Variants in CLVS2 observed in about 807,000 individuals in gnomAD.
CLVS2 encodes the protein clavesin-2.
In CLVS2, 19 loss-of-function variants were observed where a neutral mutation model predicts 29.0. That is an observed-to-expected ratio of 0.66 (90% CI 0.46 to 0.96). The LOEUF is 0.96. Ranked by LOEUF, CLVS2 falls within the 40% of genes least tolerant of loss-of-function variation. The pLI is 0.00. For missense variants in CLVS2, 294 were observed against 404.1 expected (o/e 0.73, Z 2.34); for synonymous variants, 161 against 151.3 (o/e 1.06, Z -0.47).
rs1188727723 is a variant in CLVS2 at position 123,072,802 on chromosome 6, A to G, written c.*9041A>G. On this transcript the variant is annotated 3_prime_UTR_variant, in exon 6 of 6. Transcript: ENST00000275162. ...AATTTTACAAAGCAGATCATTGTTT[A>G]TTATATTCTGAAAACCATTATATTA... is the stretch of plus-strand genomic sequence containing the variant. 1 of 152,074 alleles carries G rather than the reference A, an allele frequency of 6.6e-6. No individual in the cohort carries two copies. Among genetic ancestry groups the G allele is most frequent in the Non-Finnish European group, 1.5e-5 (1 of 67,976 alleles). 9.4% of individuals were successfully genotyped at this position (152,074 alleles called of 1,614,324 possible).
intron 3 of CLVS2, among the ~76,000 whole-genome samples, chr6:123,023,518 C>T (rs1360996068): frequency 6.6e-6 from 1 of 152,068 alleles, no homozygotes; most frequent in Non-Finnish European, 1.5e-5. Context: ...AATTTACAAG[C>T]ACAAAACATT....
At position 122,998,111 on chromosome 6, in the gene CLVS2, G is replaced by A; in HGVS notation, c.334G>A (p.Asp112Asn). 3 of 1,614,030 alleles carry A rather than the reference G, an allele frequency of 1.9e-6. No individual in the cohort carries two copies. Among genetic ancestry groups the A allele is most frequent in the Non-Finnish European group, 8.5e-7 (1 of 1,180,040 alleles). ...DGFPGGLANLDHYGRKILVLF... is the reference protein window; with the variant it reads ...DGFPGGLANLNHYGRKILVLF... ...CTTCCCTGGGGGCCTGGCCAATCTG[G>A]ACCACTATGGCAGGAAGATTCTAGT... The change falls in exon 2 of 6, where the codon GAC (aspartate) becomes AAC (asparagine). Residue 112 changes from aspartate to asparagine, a missense_variant. By Grantham distance (23) the Asp-to-Asn change is conservative (BLOSUM62 1). This residue lies in a region of CLVS2 where 212 missense variants were observed against 336.4 expected (regional missense o/e 0.63). Coordinates refer to ENST00000275162, the MANE Select transcript of CLVS2 (RefSeq NM_001010852.4).
chr6:123,064,273 T>C lies in CLVS2; in HGVS notation c.*512T>C, dbSNP rs1318197396. 6.6e-6 allele frequency: 1 copy of C among 152,124 alleles called. No homozygotes were observed. The highest frequency in any genetic ancestry group is 1.5e-5 in the Non-Finnish European group (1 of 67,994). The allele number at this position is 152,124 out of a possible 1,614,324, so 9.4% of individuals were successfully genotyped here. ...TTTTATGATTAATGTATTTCCTGTC[T>C]AGTGATTTTCATTTCAGAGAAATGT... is the stretch of plus-strand genomic sequence containing the variant. On this transcript the variant is annotated 3_prime_UTR_variant, in exon 6 of 6. Coordinates refer to ENST00000275162, the MANE Select transcript of CLVS2 (RefSeq NM_001010852.4).
At chr6:123,045,798 A>G (rs1582660557) in intron 3 of CLVS2, among the ~76,000 whole-genome samples, 1 of 152,162 alleles carries the variant, frequency 6.6e-6, no homozygotes, top group Non-Finnish European at 1.5e-5. Context: ...AAGTGCAGTG[A>G]TGGACCCAGG....
intron 5 of CLVS2, among the ~76,000 whole-genome samples, chr6:123,060,857 A>G (rs1772766996): frequency 6.6e-6 from 1 of 152,270 alleles, no homozygotes; most frequent in Admixed American, 6.5e-5. Flanking sequence ...AACTGGAGTT[A>G]TGATCTACTT....
At chr6:123,004,507 T>C (rs1774635298) in intron 2 of CLVS2, among the ~76,000 whole-genome samples, 1 of 152,198 alleles carries the variant, frequency 6.6e-6, no homozygotes, top group African/African-American at 2.4e-5. Flanking sequence ...GTCCTAAGGA[T>C]GTCTTATTGC....
intron 3 of CLVS2, among the ~76,000 whole-genome samples, chr6:123,014,959 CT>C (rs1056628739): frequency 1.3e-5 from 2 of 151,978 alleles, no homozygotes; most frequent in African/African-American, 4.8e-5. Context: ...ACCTGTGTTT[CT>C]TTTGGAAGAA....
intron 2 of CLVS2, among the ~76,000 whole-genome samples, chr6:123,010,485 C>T (rs1271409472): frequency 6.6e-6 from 1 of 152,066 alleles, no homozygotes; most frequent in African/African-American, 2.4e-5. Flanking sequence ...TCTATCCCTA[C>T]CACCTTTCCT....
In CLVS2 at chr6:123,046,480, T is replaced by G. The variant is rs142722589; in HGVS notation, c.565-2142T>G. ...TTTGAGACCAGCCTGACCAACGTGGTGAAACTCTGTCTCCACTAAAAATAC... is the reference window on the plus strand; with the variant it reads ...TTTGAGACCAGCCTGACCAACGTGGGGAAACTCTGTCTCCACTAAAAATAC... On this transcript the variant is annotated intron_variant, in intron 3 of 5. Coordinates refer to ENST00000275162, the MANE Select transcript of CLVS2 (RefSeq NM_001010852.4). 7.5e-3 allele frequency among the ~76,000 whole-genome samples: 1,145 copies of G among 152,020 alleles called. 13 individuals are homozygous for G. Among genetic ancestry groups the G allele is most frequent in the African/African-American group, 0.027 (1,102 of 41,436 alleles).
rs1772849998 is a variant in CLVS2 at position 123,066,083 on chromosome 6, G to A, written c.*2322G>A. 1 of 151,602 alleles carries A rather than the reference G, an allele frequency of 6.6e-6. No individual in the cohort carries two copies. The highest frequency in any genetic ancestry group is 2.4e-5 in the African/African-American group (1 of 41,368). The allele number at this position is 151,602 out of a possible 1,614,324, so 9.4% of individuals were successfully genotyped here. ...TGAATGAACAAATTACAATGATGATGCCTTTTGAAATTACCATATCTAGTT... is the reference window on the plus strand; with the variant it reads ...TGAATGAACAAATTACAATGATGATACCTTTTGAAATTACCATATCTAGTT... On this transcript the variant is annotated 3_prime_UTR_variant, in exon 6 of 6. Transcript: ENST00000275162.
intron 2 of CLVS2, among the ~76,000 whole-genome samples, chr6:123,001,594 A>C (rs1170373863): frequency 6.6e-6 from 1 of 152,248 alleles, no homozygotes; most frequent in African/African-American, 2.4e-5. Flanking sequence ...CCATGGAATT[A>C]AAAACTATTT....
chr6:123,057,819 T>G (rs946799066), intron 5 of CLVS2, among the ~76,000 whole-genome samples: 1 of 152,184 alleles, frequency 6.6e-6, no homozygotes, highest in Non-Finnish European at 1.5e-5. Flanking sequence ...ACTTTAGGCT[T>G]CTTAACTCCC....
intron 3 of CLVS2, among the ~76,000 whole-genome samples, chr6:123,030,924 A>G (rs970295002): frequency 6.6e-6 from 1 of 150,916 alleles, no homozygotes; most frequent in Non-Finnish European, 1.5e-5. Flanking sequence ...TGTATCTCAT[A>G]TATCTCATAT....
Position 122,997,604 on chromosome 6 carries a change from A to T in CLVS2, c.-174A>T. The T allele has an allele frequency of 3.7e-6, 2 of 542,282 alleles. No individual in the cohort carries two copies. The highest frequency in any genetic ancestry group is 3.5e-5 in the East Asian group (1 of 28,856). 33.6% of individuals were successfully genotyped at this position (542,282 alleles called of 1,614,324 possible). On this transcript the variant is annotated 5_prime_UTR_variant, in exon 2 of 6. Transcript: ENST00000275162. ...CCGGCCCCCCCAGCTTTGCTGGGGG[A>T]AAGCAGGAGCAACAGGGCACTTGAT...
chr6:123,045,436 G>T (rs1772473451), intron 3 of CLVS2, among the ~76,000 whole-genome samples: 1 of 151,734 alleles, frequency 6.6e-6, no homozygotes, highest in South Asian at 2.1e-4. Flanking sequence ...TGTCCCGGAG[G>T]CCTCTCACCT....
chr6:123,063,347 C>G (rs537359788), intron 5 of CLVS2, among the ~76,000 whole-genome samples: 1 of 151,990 alleles, frequency 6.6e-6, no homozygotes, highest in Non-Finnish European at 1.5e-5. Context: ...TGGAAAACAT[C>G]TATCCTACAC....
Position 123,064,044 on chromosome 6 carries a change from AG to A in CLVS2, c.*285del. On this transcript the variant is annotated 3_prime_UTR_variant, in exon 6 of 6. Transcript: ENST00000275162. ...TTCAGTAGTAACTCAGTTTGGAAAA[AG>A]GTTGGCTCAAAAGTCCATGCCAGTG... 2 of 266,502 alleles carry A rather than the reference AG, an allele frequency of 7.5e-6. No homozygotes were observed. The highest frequency in any genetic ancestry group is 1.4e-5 in the Non-Finnish European group (2 of 140,284). The allele number at this position is 266,502 out of a possible 1,614,324, so 16.5% of individuals were successfully genotyped here.
chr6:123,058,422 T>G (rs1772726285), intron 5 of CLVS2, among the ~76,000 whole-genome samples: 1 of 152,200 alleles, frequency 6.6e-6, no homozygotes, highest in Non-Finnish European at 1.5e-5. Context: ...CCATTCTGCC[T>G]GAGGCATGAT....
intron 3 of CLVS2, among the ~76,000 whole-genome samples, chr6:123,024,922 G>A (rs1051392826): frequency 3.9e-5 from 6 of 152,050 alleles, no homozygotes; most frequent in African/African-American, 1.4e-4. Flanking sequence ...TATTAAAATA[G>A]TCAACCAAAA....
Sources: gnomAD v4.1 joint callset for allele counts (sites outside exome capture counted in the v4.1 genomes callset) on GRCh38, gnomAD v4.1.1 for gene constraint, gnomAD v4.1.1 regional missense constraint, MANE v1.5 for transcripts, NCBI Gene and HGNC (gene_info 2026-07-23, HGNC 2026-07-21) for gene names.